S1PR3: variants seen among roughly 807,000 people sequenced by gnomAD.
The protein encoded by S1PR3 is sphingosine-1-phosphate receptor 3.
A neutral mutation model predicts 13.3 loss-of-function variants in S1PR3; 12 were observed. The ratio of observed to expected loss-of-function variants is 0.90; its 90% CI spans 0.58 to 1.46. The LOEUF (loss-of-function observed/expected upper bound fraction) is 1.46. Among genes scored for constraint, S1PR3 ranks in the 40% most tolerant of loss-of-function variants. The pLI is 0.00. For synonymous variants in S1PR3, 232 were observed against 214.0 expected (o/e 1.08, Z -0.73); for missense variants, 450 against 501.9 (o/e 0.90, Z 0.99).
In S1PR3 at chr9:88,991,620, C is replaced by T. The variant is rs1365524089; in HGVS notation, c.-223C>T. 3.9e-6 allele frequency: 6 copies of T among 1,536,836 alleles called. No homozygotes were observed. Among genetic ancestry groups the T allele is most frequent in the South Asian group, 3.6e-5 (3 of 83,212 alleles). On this transcript the variant is annotated 5_prime_UTR_variant, in exon 1 of 2. Coordinates refer to ENST00000358157, the MANE Select transcript of S1PR3 (RefSeq NM_005226.4). This position sits in a 1 kb window ranked among gnomAD's most constrained non-coding sequence, Gnocchi z 4.0. ...TCCCAGCCCATCTGGCATTCGAGCG[C>T]AGGACCGGGCGCCCCGGCACCGCCG...
In S1PR3 at chr9:89,004,857, C is replaced by T. The variant is rs557409742; in HGVS notation, c.*2520C>T. On this transcript the variant is annotated 3_prime_UTR_variant, in exon 2 of 2. Transcript: ENST00000358157. ...GGAGATAATTTACCAGGGAATGTTT[C>T]AAAGCCCTAACCTTGAAGTTTGGAA... 1 of 167,210 alleles carries T rather than the reference C, an allele frequency of 6.0e-6. No individual in the cohort carries two copies. The highest frequency in any genetic ancestry group is 6.5e-5 in the Admixed American group (1 of 15,306). 10.4% of individuals were successfully genotyped at this position (167,210 alleles called of 1,614,324 possible). A position where few individuals can be genotyped will look rare whatever the true frequency, so the allele number is the denominator to read the frequency against.
Position 89,003,187 on chromosome 9 carries a change from A to G in S1PR3, c.*850A>G, listed in dbSNP as rs7853537. 20,136 of 167,204 alleles carry G rather than the reference A, an allele frequency of 0.12. 1,602 individuals carry two copies. The highest frequency in any genetic ancestry group is 0.23 in the African/African-American group (9,440 of 41,546). 10.4% of individuals were successfully genotyped at this position (167,204 alleles called of 1,614,324 possible). ...GAGCCTATGAAGGAGAAGCAGAAGC[A>G]GACGGCTGGCCTGGCTCACCTTCCC... On this transcript the variant is annotated 3_prime_UTR_variant, in exon 2 of 2. Transcript: ENST00000358157.
At chr9:88,997,466 A>G (rs1825816439) in intron 1 of S1PR3, 1 of 152,270 alleles carries the variant, frequency 6.6e-6, no homozygotes, top group Non-Finnish European at 1.5e-5. Context: ...GAGACAGGAC[A>G]TGTATAAAAT....
rs1288814851 is a variant in S1PR3 at position 89,001,558 on chromosome 9, G to A, written c.358G>A (p.Val120Met). ...GTTCCTCAGGGAGGGCAGTATGTTC[G>A]TGGCCCTTGGGGCGTCCACCTGCAG... ...VWFLREGSMF[V>M]ALGASTCSLL... The change falls in exon 2 of 2, where the codon GTG becomes ATG. Residue 120 changes from valine to methionine, a missense_variant. Coordinates refer to ENST00000358157, the MANE Select transcript of S1PR3 (RefSeq NM_005226.4). The A allele has an allele frequency of 4.3e-6, 7 of 1,614,240 alleles. No individual in the cohort carries two copies. Among genetic ancestry groups the A allele is most frequent in the African/African-American group, 1.3e-5 (1 of 75,062 alleles).
At position 89,003,940 on chromosome 9, in the gene S1PR3, A is replaced by T. The variant is rs928415476; in HGVS notation, c.*1603A>T. ...CATGGGCTGACCAAAGGCTTTTCTA[A>T]TTTTTGTTACTGATGAGATGAAACC... is the stretch of plus-strand genomic sequence containing the variant. On this transcript the variant is annotated 3_prime_UTR_variant, in exon 2 of 2. Transcript: ENST00000358157. The T allele has an allele frequency of 6.0e-6, 1 of 166,978 alleles. No individual in the cohort carries two copies. The highest frequency in any genetic ancestry group is 1.5e-5 in the Non-Finnish European group (1 of 68,098). 10.3% of individuals were successfully genotyped at this position (166,978 alleles called of 1,614,324 possible).
Position 88,991,833 on chromosome 9 carries a change from A to C in S1PR3, c.-148+138A>C, listed in dbSNP as rs1038593468. On this transcript the variant is annotated intron_variant, in intron 1 of 1. Coordinates refer to ENST00000358157, the MANE Select transcript of S1PR3 (RefSeq NM_005226.4). This position sits in a 1 kb window ranked among gnomAD's most constrained non-coding sequence, Gnocchi z 4.0. ...CGCCACGGCGGCCGGAGCGCTCCAC[A>C]TCAGCACCCCTCCCCCAGAGCCGCT... is the stretch of plus-strand genomic sequence containing the variant. 1 of 1,612,890 alleles carries C rather than the reference A, an allele frequency of 6.2e-7. No individual in the cohort carries two copies. Among genetic ancestry groups the C allele is most frequent in the Non-Finnish European group, 8.5e-7 (1 of 1,179,442 alleles).
chr9:88,995,593 G>A (rs1825792325), intron 1 of S1PR3: 1 of 167,068 alleles, frequency 6.0e-6, no homozygotes, highest in Admixed American at 6.5e-5. Context: ...GTATTAAAAT[G>A]CTTTGAGGTA....
chr9:88,991,466 G>T (rs955693381), upstream of S1PR3: 23 of 1,546,970 alleles, frequency 1.5e-5, no homozygotes, highest in African/African-American at 2.6e-4. This position sits in a 1 kb window ranked among gnomAD's most constrained non-coding sequence, Gnocchi z 4.0. Flanking sequence ...ACTCGCTCGG[G>T]CAGAGGCCGA....
chr9:89,001,933 G>C lies in S1PR3; in HGVS notation c.733G>C (p.Val245Leu). Reference protein sequence around the residue: ...SERSMALLRTVVIVVSVFIAC... With the variant: ...SERSMALLRTLVIVVSVFIAC... ...GCGGTCCATGGCACTGCTGCGGACC[G>C]TGGTGATTGTGGTGAGCGTGTTCAT... is the stretch of plus-strand genomic sequence containing the variant. The change falls in exon 2 of 2, where the codon GTG (valine) becomes CTG (leucine). Residue 245 changes from valine to leucine, a missense_variant. Transcript: ENST00000358157. 6.2e-7 allele frequency: 1 copy of C among 1,614,204 alleles called. No homozygotes were observed. Among genetic ancestry groups the C allele is most frequent in the Non-Finnish European group, 8.5e-7 (1 of 1,180,040 alleles).
Position 89,002,097 on chromosome 9 carries a change from G to C in S1PR3, c.897G>C (p.Thr299=), listed in dbSNP as rs776449043. 2.5e-6 allele frequency: 4 copies of C among 1,613,732 alleles called. No individual in the cohort carries two copies. The highest frequency in any genetic ancestry group is 3.4e-6 in the Non-Finnish European group (4 of 1,180,030). ...LNSAMNPVIY[T]LASKEMRRAF... ...CCGCCATGAACCCGGTCATCTACACGCTGGCCAGCAAGGAGATGCGGCGGG... is the reference window on the plus strand; with the variant it reads ...CCGCCATGAACCCGGTCATCTACACCCTGGCCAGCAAGGAGATGCGGCGGG... Residue 299 remains threonine, a synonymous_variant, in exon 2 of 2, where the codon ACG becomes ACC. Transcript: ENST00000358157.
intron 1 of S1PR3, chr9:88,993,840 G>A (rs1291152076): frequency 6.6e-6 from 1 of 152,296 alleles, no homozygotes; most frequent in African/African-American, 2.4e-5. Context: ...AATCAGTGAC[G>A]AGATTGTCCA....
Position 89,003,831 on chromosome 9 carries a change from A to G in S1PR3, c.*1494A>G, listed in dbSNP as rs1825899839. ...TCTTAACACATTACTAACTTTTTCT[A>G]AGAGAAATTGATTCCTGTTTTGTCA... On this transcript the variant is annotated 3_prime_UTR_variant, in exon 2 of 2. Transcript: ENST00000358157. 6.0e-6 allele frequency: 1 copy of G among 166,508 alleles called. No individual in the cohort carries two copies. Among genetic ancestry groups the G allele is most frequent in the Non-Finnish European group, 1.5e-5 (1 of 68,120 alleles). The allele number at this position is 166,508 out of a possible 1,614,324, so 10.3% of individuals were successfully genotyped here.
At chr9:88,991,460 G>T (rs957076541), upstream of S1PR3, 96 of 1,546,434 alleles carry the variant, frequency 6.2e-5, no homozygotes, top group Middle Eastern at 1.8e-4. This position sits in a 1 kb window ranked among gnomAD's most constrained non-coding sequence, Gnocchi z 4.0. Flanking sequence ...TCTCTGACTC[G>T]CTCGGGCAGA....
upstream of S1PR3, chr9:88,991,078 G>C (rs768319593): frequency 1.9e-6 from 3 of 1,613,352 alleles, no homozygotes; most frequent in Non-Finnish European, 2.5e-6. The surrounding 1 kb of genome is among the most constrained non-coding windows in gnomAD (Gnocchi z 4.0). Context: ...CTGTCAGGGC[G>C]ACAGGCGCCC....
At chr9:88,997,465 C>T (rs1030783148) in intron 1 of S1PR3, 1 of 152,164 alleles carries the variant, frequency 6.6e-6, no homozygotes, top group African/African-American at 2.4e-5. Flanking sequence ...GGAGACAGGA[C>T]ATGTATAAAA....
At chr9:88,999,492 G>T (rs1825843631) in intron 1 of S1PR3, 1 of 152,188 alleles carries the variant, frequency 6.6e-6, no homozygotes, top group African/African-American at 2.4e-5. Flanking sequence ...GGACTGATTT[G>T]TACCTGGGAA....
intron 1 of S1PR3, 119 bp from the exon 2 acceptor site, chr9:89,000,935 C>A (rs1351170340): frequency 2.0e-6 from 1 of 506,384 alleles, no homozygotes; most frequent in Non-Finnish European, 3.6e-6. Flanking sequence ...TGCAGCCTGA[C>A]GTGGCTAGCC....
At position 88,991,542 on chromosome 9, in the gene S1PR3, G is replaced by T; in HGVS notation, c.-301G>T. On this transcript the variant is annotated 5_prime_UTR_variant, in exon 1 of 2. Transcript: ENST00000358157. The surrounding 1 kb of genome is among the most constrained non-coding windows in gnomAD (Gnocchi z 4.0). ...CAGAAGGCGGCTGCAGGACGCGACC[G>T]AGCAGGACCCCAGGCCCGGGAACGA... 1 of 1,547,092 alleles carries T rather than the reference G, an allele frequency of 6.5e-7. No homozygotes were observed.
chr9:89,000,793 C>G (rs901549668), intron 1 of S1PR3: 1 of 216,562 alleles, frequency 4.6e-6, no homozygotes, highest in Non-Finnish European at 9.3e-6. Context: ...GTACTTGGGT[C>G]TGTGTATCTT....
Sources: gnomAD v4.1 joint callset for allele counts on GRCh38, gnomAD v4.1.1 for gene constraint, Gnocchi (gnomAD v3.1) non-coding constraint, MANE v1.5 for transcripts, NCBI Gene and HGNC (gene_info 2026-07-23, HGNC 2026-07-21) for gene names.